The following PRUNE2 variants were observed in gnomAD, a reference collection of about 807,000 sequenced individuals.
PRUNE2 encodes the protein protein prune homolog 2.
In PRUNE2, 164 loss-of-function variants were observed where a neutral mutation model predicts 252.0. The observed-to-expected ratio is 0.65, with a 90% confidence interval of 0.57 to 0.74. The LOEUF is 0.74. Ranked by LOEUF, PRUNE2 falls within the 30% of genes least tolerant of loss-of-function variation. The pLI, the probability that PRUNE2 is intolerant of heterozygous loss-of-function variation, is 0.00. For missense variants in PRUNE2, 3,495 were observed against 3,711.0 expected (o/e 0.94, Z 1.51); for synonymous variants, 1,292 against 1,350.2 (o/e 0.96, Z 0.94).
chr9:76,897,770 T>C (rs999609327), intron 1 of PRUNE2, among the ~76,000 whole-genome samples: 1 of 152,090 alleles, frequency 6.6e-6, no homozygotes, highest in African/African-American at 2.4e-5. Flanking sequence ...CAAAAGGAGA[T>C]TAGTACCTAC....
intron 6 of PRUNE2, among the ~76,000 whole-genome samples, chr9:76,809,661 A>C (rs1387127764): frequency 6.6e-6 from 1 of 152,182 alleles, no homozygotes; most frequent in Non-Finnish European, 1.5e-5. Context: ...GTGCCACTGC[A>C]CTCCAGCCTG....
chr9:76,899,664 C>T (rs942631589), intron 1 of PRUNE2, among the ~76,000 whole-genome samples: 4 of 152,160 alleles, frequency 2.6e-5, no homozygotes, highest in African/African-American at 9.6e-5. Context: ...CAAAATGATA[C>T]AGACCCTGGT....
intron 9 of PRUNE2, among the ~76,000 whole-genome samples, chr9:76,676,578 A>G (rs1003489771): frequency 6.6e-6 from 1 of 152,276 alleles, no homozygotes; most frequent in East Asian, 1.9e-4. Flanking sequence ...GAATTCCTAC[A>G]TTTGATTCAC....
intron 9 of PRUNE2, among the ~76,000 whole-genome samples, chr9:76,684,097 A>G (rs1588566736): frequency 6.6e-6 from 1 of 152,118 alleles, no homozygotes; most frequent in Non-Finnish European, 1.5e-5. Context: ...TGTGGTGAAA[A>G]CATTTAAAAT....
intron 9 of PRUNE2, among the ~76,000 whole-genome samples, chr9:76,666,027 A>C (rs180800568): frequency 6.6e-6 from 1 of 152,332 alleles, no homozygotes; most frequent in East Asian, 1.9e-4. Context: ...TCTTCACTCT[A>C]TAATCATAAC....
chr9:76,760,610 A>G (rs2051616708), intron 6 of PRUNE2, among the ~76,000 whole-genome samples: 1 of 152,108 alleles, frequency 6.6e-6, no homozygotes, highest in African/African-American at 2.4e-5. Flanking sequence ...TATGACCATG[A>G]TTTTAGCCAA....
At chr9:76,879,897 A>ATATG (rs1436882997) in intron 1 of PRUNE2, among the ~76,000 whole-genome samples, 1 of 81,466 alleles carries the variant, frequency 1.2e-5, no homozygotes, top group Non-Finnish European at 2.2e-5. Context: ...ATATATATAT[A>ATATG]TATATATTTT....
rs149171925 is a variant in PRUNE2, at chr9:76,895,206, C to T, written c.36+10722G>A. On this transcript the variant is annotated intron_variant, in intron 1 of 18. Transcript: ENST00000376718. ...CCATCAGCAGTCTTCTGGTCCCTCACGGGCTTTTCTCAGGGACCTTATTTT... is the reference window on the plus strand; with the variant it reads ...CCATCAGCAGTCTTCTGGTCCCTCATGGGCTTTTCTCAGGGACCTTATTTT... 1.5e-3 allele frequency among the ~76,000 whole-genome samples: 226 copies of T among 152,248 alleles called. 1 individual carries two copies. Among genetic ancestry groups the T allele is most frequent in the African/African-American group, 4.1e-3 (170 of 41,562 alleles).
chr9:76,840,289 CT>C (rs997013029), intron 4 of PRUNE2, among the ~76,000 whole-genome samples: 1 of 152,192 alleles, frequency 6.6e-6, no homozygotes, highest in South Asian at 2.1e-4. Flanking sequence ...TGAAAGTGAC[CT>C]TTTTTTACTT....
intron 6 of PRUNE2, among the ~76,000 whole-genome samples, chr9:76,757,123 C>A (rs2051231387): frequency 1.3e-5 from 2 of 152,228 alleles, no homozygotes; most frequent in Admixed American, 1.3e-4. Context: ...TTTGTTGATA[C>A]AATTCTGCAT....
chr9:76,705,570 A>T lies in PRUNE2; in HGVS notation c.6704T>A (p.Ile2235Asn). 6.2e-7 allele frequency: 1 copy of T among 1,614,068 alleles called. No individual in the cohort carries two copies. Among genetic ancestry groups the T allele is most frequent in the Non-Finnish European group, 8.5e-7 (1 of 1,179,902 alleles). ...IPRIENVATS[I>N]FVTHQEPTPE... is the part of the protein sequence containing the mutation. ...AGTTGGCTCTTGGTGAGTTACAAAA[A>T]TGCTAGTTGCCACATTTTCAATCCT... The change falls in exon 8 of 19, where the codon ATT becomes AAT. Residue 2235 changes from isoleucine to asparagine, a missense_variant. By Grantham distance (149) the Ile-to-Asn change is moderately radical. Transcript: ENST00000376718.
chr9:76,708,250 C>T lies in PRUNE2; in HGVS notation c.4024G>A (p.Glu1342Lys), dbSNP rs1395092660. The T allele has an allele frequency of 6.2e-7, 1 of 1,613,828 alleles. No homozygotes were observed. Among genetic ancestry groups the T allele is most frequent in the Non-Finnish European group, 8.5e-7 (1 of 1,179,904 alleles). The change falls in exon 8 of 19, where the codon GAG becomes AAG. Residue 1342 changes from glutamate (E) to lysine (K), a missense_variant. Glu to Lys is a moderately conservative substitution (Grantham distance 56, BLOSUM62 1). Coordinates refer to ENST00000376718, the MANE Select transcript of PRUNE2 (RefSeq NM_015225.3). ...TCCACACCAGAGGCGATCACCTCCTCTTCATCAAGGTGCCCCCTGTCAGTG... is the reference window on the plus strand; with the variant it reads ...TCCACACCAGAGGCGATCACCTCCTTTTCATCAAGGTGCCCCCTGTCAGTG... The part of the protein sequence containing the change: ...GATDRGHLDE[E>K]EVIASGVENA...
chr9:76,689,648 C>G (rs760940348), intron 9 of PRUNE2, among the ~76,000 whole-genome samples: 3 of 151,996 alleles, frequency 2.0e-5, no homozygotes, highest in Non-Finnish European at 4.4e-5. Context: ...CATGAGATAC[C>G]GCACCAAGAT....
intron 4 of PRUNE2, among the ~76,000 whole-genome samples, chr9:76,837,438 C>CAA (rs1157358943): frequency 3.2e-5 from 1 of 31,396 alleles, no homozygotes; most frequent in East Asian, 8.7e-4. Flanking sequence ...GAGACTCTGT[C>CAA]TCAAATAATA....
rs113064367 is a variant in PRUNE2, at chr9:76,702,619, G to GAATGAATGAATT, written c.8276+717_8276+718insAATTCATTCATT. Among the ~76,000 whole-genome samples the GAATGAATGAATT allele has an allele frequency of 5.7e-3, 875 of 152,248 alleles. 9 individuals are homozygous for GAATGAATGAATT. Among genetic ancestry groups the GAATGAATGAATT allele is most frequent in the African/African-American group, 0.02 (817 of 41,544 alleles). ...CTCAAAAACCACATGGTGAATGAATGAATGAATGAATCACTGATTTAATGA... is the reference window on the plus strand; with the variant it reads ...CTCAAAAACCACATGGTGAATGAATGAATGAATGAATTAATGAATGAATCACTGATTTAATGA... On this transcript the variant is annotated intron_variant, in intron 9 of 18. Coordinates refer to ENST00000376718, the MANE Select transcript of PRUNE2 (RefSeq NM_015225.3).
rs920471888 is a variant in PRUNE2, at chr9:76,895,594, T to C, written c.36+10334A>G. The stretch of plus-strand genomic sequence containing the variant: ...TCGCTTATGCACCACACCTTTCTTC[T>C]TAAACAGGACACTAAATTTAAATGA... On this transcript the variant is annotated intron_variant, in intron 1 of 18. Coordinates refer to ENST00000376718, the MANE Select transcript of PRUNE2 (RefSeq NM_015225.3). 2.6e-5 allele frequency among the ~76,000 whole-genome samples: 4 copies of C among 152,166 alleles called. No individual in the cohort carries two copies. In the East Asian group the frequency reaches 7.7e-4, roughly 29 times the overall value.
At chr9:76,776,518 C>CA (rs2053773895) in intron 6 of PRUNE2, among the ~76,000 whole-genome samples, 1 of 122,850 alleles carries the variant, frequency 8.1e-6, no homozygotes, top group South Asian at 2.6e-4. Context: ...TTTCTTTTTT[C>CA]TTTTTTTTTT....
intron 1 of PRUNE2, 73 bp downstream of exon 1, chr9:76,905,855 A>G: frequency 1.9e-6 from 3 of 1,592,632 alleles, no homozygotes; most frequent in East Asian, 2.2e-5. Context: ...CTCTGCTGCA[A>G]CACCTTTTCC....
rs1384132052 is a variant in PRUNE2 at position 76,710,445 on chromosome 9, G to C, written c.1829C>G (p.Pro610Arg). Residue 610 changes from proline to arginine, a missense_variant, in exon 8 of 19, where the codon CCA (proline) becomes CGA (arginine). Physicochemically the swap from Pro to Arg is moderately radical, Grantham distance 103. Coordinates refer to ENST00000376718, the MANE Select transcript of PRUNE2 (RefSeq NM_015225.3). Reference sequence around the variant, plus strand: ...TTCTACTAAACTATTCATGGGTGTTGGTGGGATCCTCTTTCCAGTATTTTT... The same window carrying C: ...TTCTACTAAACTATTCATGGGTGTTCGTGGGATCCTCTTTCCAGTATTTTT... ...RLKNTGKRIP[P>R]TPMNSLVESS... is the part of the protein sequence containing the mutation. The C allele has an allele frequency of 2.5e-6, 4 of 1,613,862 alleles. No homozygotes were observed. The highest frequency in any genetic ancestry group is 2.7e-5 in the African/African-American group (2 of 74,908).
Sources: allele counts gnomAD v4.1 joint callset (sites outside exome capture counted in the v4.1 genomes callset), GRCh38; gene constraint gnomAD v4.1.1; transcripts MANE v1.5; gene names NCBI Gene and HGNC (gene_info 2026-07-23, HGNC 2026-07-21).